Variants in PLEKHG4B observed in about 807,000 individuals in gnomAD.
PLEKHG4B encodes the protein pleckstrin homology domain-containing family G member 4B.
Under a neutral mutation model 121.3 loss-of-function variants are expected in PLEKHG4B, and 111 were observed. The observed-to-expected ratio is 0.92, with a 90% CI of 0.78 to 1.07. PLEKHG4B has a LOEUF of 1.07. PLEKHG4B is among the 50% of genes least tolerant of loss of function. The pLI is 0.00. For synonymous variants in PLEKHG4B, 738 were observed against 725.0 expected (o/e 1.02, Z -0.29); for missense variants, 1,831 against 1,757.8 (o/e 1.04, Z -0.74).
chr5:105,907 C>T (rs1467130485), intron 1 of PLEKHG4B, among the ~76,000 whole-genome samples: 3 of 152,214 alleles, frequency 2.0e-5, no homozygotes, highest in East Asian at 3.8e-4. Flanking sequence ...ACGCACCCGC[C>T]GCCTCTCTGT....
chr5:143,654 C>A, intron 5 of PLEKHG4B, 151 bp downstream of exon 5: 1 of 960,950 alleles, frequency 1.0e-6, no homozygotes, highest in South Asian at 1.6e-5. Flanking sequence ...CACCCATGTG[C>A]TTCCAGCCTT....
chr5:96,592 G>C (rs1471346062), intron 1 of PLEKHG4B, among the ~76,000 whole-genome samples: 42 of 152,164 alleles, frequency 2.8e-4, no homozygotes, highest in Admixed American at 2.7e-3. Flanking sequence ...TGTTGAGAAA[G>C]ATTAAAGAAG....
At chr5:112,767 G>A (rs927664939) in intron 1 of PLEKHG4B, among the ~76,000 whole-genome samples, 28 of 152,134 alleles carry the variant, frequency 1.8e-4, no homozygotes, top group African/African-American at 5.8e-4. Context: ...GAACAAAGTG[G>A]CGCGTGGGCC....
chr5:102,994 G>A (rs143406794), intron 1 of PLEKHG4B, among the ~76,000 whole-genome samples: 3,312 of 152,276 alleles, frequency 0.022, 68 homozygotes, highest in Non-Finnish European at 0.032. Context: ...CTGAGGCTCC[G>A]GGTGAGGCAT....
chr5:95,121 C>G (rs778064014), intron 1 of PLEKHG4B, among the ~76,000 whole-genome samples: 3 of 152,186 alleles, frequency 2.0e-5, no homozygotes, highest in Non-Finnish European at 4.4e-5. Context: ...TTTGATTGAT[C>G]TTACAAAATT....
chr5:94,414 C>G lies in PLEKHG4B; in HGVS notation c.45+2138C>G, dbSNP rs1273036066. ...ACAGAGCCTCAGACTTTGTCTGACCCGAGACCCCAACGTGCTTCTGAGCAG... is the reference window on the plus strand; with the variant it reads ...ACAGAGCCTCAGACTTTGTCTGACCGGAGACCCCAACGTGCTTCTGAGCAG... On this transcript the variant is annotated intron_variant, in intron 1 of 19. Coordinates refer to ENST00000637938, the MANE Select transcript of PLEKHG4B (RefSeq NM_052909.5). 4.6e-5 allele frequency among the ~76,000 whole-genome samples: 7 copies of G among 150,778 alleles called. No individual in the cohort carries two copies. In the South Asian group the frequency reaches 1.2e-3, roughly 27 times the overall value.
At chr5:174,247 C>T (rs568245598) in intron 18 of PLEKHG4B, 149 bp downstream of exon 18, 138 of 142,840 alleles carry the variant, frequency 9.7e-4, no homozygotes, top group African/African-American at 5.7e-3. Flanking sequence ...GAGCTGTGGT[C>T]GGGGACTGAG....
Position 171,222 on chromosome 5 carries a change from G to C in PLEKHG4B, c.3828G>C (p.Gln1276His). 1 of 1,605,636 alleles carries C rather than the reference G, an allele frequency of 6.2e-7. No homozygotes were observed. The highest frequency in any genetic ancestry group is 8.5e-7 in the Non-Finnish European group (1 of 1,174,600). ...TCACCCGGCCCTTGCAGGACAAGCA[G>C]CGGGAGCTAGGTGACAAAATGGACC... The part of the protein sequence containing the change: ...SHGNAFFKDK[Q>H]RELGDKMDLA... The change falls in exon 16 of 20, where the codon CAG becomes CAC. Residue 1276 changes from glutamine (Q) to histidine (H), a missense_variant. Gln to His is a conservative substitution (Grantham distance 24). Transcript: ENST00000637938.
intron 11 of PLEKHG4B, among the ~76,000 whole-genome samples, chr5:161,373 C>G (rs936852393): frequency 2.0e-5 from 3 of 152,222 alleles, no homozygotes; most frequent in Non-Finnish European, 2.9e-5. Context: ...CTTTTCCAAA[C>G]AATGAAAATA....
intron 1 of PLEKHG4B, among the ~76,000 whole-genome samples, chr5:102,236 A>G (rs1436032812): frequency 2.6e-5 from 4 of 151,798 alleles, no homozygotes; most frequent in Non-Finnish European, 4.4e-5. Flanking sequence ...TCCATATAAA[A>G]CCCTCTAGTA....
chr5:92,567 C>T (rs1016666546), intron 1 of PLEKHG4B, among the ~76,000 whole-genome samples: 4 of 148,556 alleles, frequency 2.7e-5, no homozygotes, highest in East Asian at 2.0e-4. Flanking sequence ...GGTACCCAGA[C>T]GTGCTGGGGG....
At chr5:93,651 G>T (rs1733536919) in intron 1 of PLEKHG4B, among the ~76,000 whole-genome samples, 1 of 152,238 alleles carries the variant, frequency 6.6e-6, no homozygotes, top group Non-Finnish European at 1.5e-5. Context: ...GTTAGCCGGA[G>T]CCTTCTCATC....
chr5:173,944 C>T lies in PLEKHG4B; in HGVS notation c.4248C>T (p.Asn1416=), dbSNP rs1207413691. ...CGGCCGAGATCGGGATGACAGAGAACGTCGGGGACAGTGGCTTGAGGTTTG... is the reference window on the plus strand; with the variant it reads ...CGGCCGAGATCGGGATGACAGAGAATGTCGGGGACAGTGGCTTGAGGTTTG... ...FKTAEIGMTE[N]VGDSGLRFEI... Residue 1416 remains asparagine (N), a synonymous_variant, in exon 18 of 20, where the codon AAC becomes AAT. Coordinates refer to ENST00000637938, the MANE Select transcript of PLEKHG4B (RefSeq NM_052909.5). 3.7e-6 allele frequency: 6 copies of T among 1,613,550 alleles called. No individual in the cohort carries two copies. The East Asian group carries it at 6.7e-5, about 18-fold the overall frequency.
rs1272948970 is a variant in PLEKHG4B at position 99,178 on chromosome 5, A to G, written c.45+6902A>G. 2.8e-3 allele frequency among the ~76,000 whole-genome samples: 60 copies of G among 21,068 alleles called. 1 individual carries two copies. Among genetic ancestry groups the G allele is most frequent in the South Asian group, 8.1e-3 (2 of 248 alleles). 13.8% of individuals were successfully genotyped at this position (21,068 alleles called of 152,430 possible). On this transcript the variant is annotated intron_variant, in intron 1 of 19. Transcript: ENST00000637938. ...CTCAAAAAAAAAAAAGTGTATATAT[A>G]TATATATATATATATATATATATAT...
chr5:133,320 A>G (rs192025284), intron 2 of PLEKHG4B, among the ~76,000 whole-genome samples: 50 of 152,238 alleles, frequency 3.3e-4, no homozygotes, highest in African/African-American at 1.2e-3. Context: ...TAGGTATATG[A>G]CCATATCATC....
At chr5:114,733 A>G (rs550465231) in intron 2 of PLEKHG4B, among the ~76,000 whole-genome samples, 2 of 152,214 alleles carry the variant, frequency 1.3e-5, no homozygotes, top group African/African-American at 2.4e-5. Flanking sequence ...TTCCATCTTA[A>G]TAAACCATGT....
At chr5:158,056 A>G in intron 11 of PLEKHG4B, among the ~76,000 whole-genome samples, 1 of 152,152 alleles carries the variant, frequency 6.6e-6, no homozygotes, top group Non-Finnish European at 1.5e-5. Context: ...CAGGAACAGG[A>G]ACCCCACACC....
intron 18 of PLEKHG4B, among the ~76,000 whole-genome samples, chr5:180,611 G>C (rs1461583629): frequency 6.6e-6 from 1 of 152,212 alleles, no homozygotes; most frequent in Non-Finnish European, 1.5e-5. Context: ...AGTGTGTCCA[G>C]CTTTTCTGGT....
chr5:140,677 T>G lies in PLEKHG4B; in HGVS notation c.1438T>G (p.Cys480Gly), dbSNP rs1735142601. Residue 480 changes from cysteine (C) to glycine (G), a missense_variant, in exon 3 of 20, where the codon TGT becomes GGT. Physicochemically the swap from Cys to Gly is radical, Grantham distance 159 (BLOSUM62 -3). Transcript: ENST00000637938. ...AGGACAAGCTGTGGGGACCCCAAACTGTGTCCCAGTAGAGGGTCCCGGCTG... is the reference window on the plus strand; with the variant it reads ...AGGACAAGCTGTGGGGACCCCAAACGGTGTCCCAGTAGAGGGTCCCGGCTG... ...LGGQAVGTPNCVPVEGPGCTK... is the reference protein window; with the variant it reads ...LGGQAVGTPNGVPVEGPGCTK... The G allele has an allele frequency of 6.3e-7, 1 of 1,599,848 alleles. No individual in the cohort carries two copies. The highest frequency in any genetic ancestry group is 8.5e-7 in the Non-Finnish European group (1 of 1,173,106).
Sources: gnomAD v4.1 joint callset for allele counts (sites outside exome capture counted in the v4.1 genomes callset) on GRCh38, gnomAD v4.1.1 for gene constraint, MANE v1.5 for transcripts, NCBI Gene and HGNC (gene_info 2026-07-23, HGNC 2026-07-21) for gene names.